Variants in SMC2 observed in about 807,000 individuals in gnomAD.
SMC2 encodes the protein structural maintenance of chromosomes protein 2.
A neutral mutation model predicts 142.6 loss-of-function variants in SMC2; 41 were observed. That is an observed-to-expected ratio of 0.29 (90% CI 0.22 to 0.37). SMC2 has a LOEUF of 0.37. SMC2 is among the 10% of genes least tolerant of loss of function. SMC2 has a pLI of 1.00. For missense variants in SMC2, 1,265 were observed against 1,373.7 expected (o/e 0.92, Z 1.25); for synonymous variants, 463 against 457.5 (o/e 1.01, Z -0.15).
rs1243588992 is a variant in SMC2, at chr9:104,138,303, CTT to C, written c.3417+139_3417+140del. The C allele has an allele frequency of 4.7e-5, 30 of 644,612 alleles. No individual in the cohort carries two copies. In the Middle Eastern group the frequency reaches 1.2e-3, roughly 26 times the overall value. The allele number at this position is 644,612 out of a possible 1,614,324, so 39.9% of individuals were successfully genotyped here. A position where few individuals can be genotyped will look rare whatever the true frequency, so the allele number is the denominator to read the frequency against. On this transcript the variant is annotated intron_variant, in intron 24 of 24. Transcript: ENST00000374793. ...AGCATTGTATATCTATTTAAATAGA[CTT>C]ATGTTTAAATAGGTATAGAAGGAAA...
rs1835890794 is a variant in SMC2, at chr9:104,139,537, T to C, written c.*222T>C. 1.9e-5 allele frequency: 7 copies of C among 377,986 alleles called. No homozygotes were observed. Among genetic ancestry groups the C allele is most frequent in the Non-Finnish European group, 2.3e-5 (5 of 213,578 alleles). 23.4% of individuals were successfully genotyped at this position (377,986 alleles called of 1,614,324 possible). On this transcript the variant is annotated 3_prime_UTR_variant, in exon 25 of 25. Coordinates refer to ENST00000374793, the MANE Select transcript of SMC2 (RefSeq NM_006444.3). Reference sequence around the variant, plus strand: ...TATTGTGGTTGTGATTTTATGCATATCATCAAATGTTTTTTTCTTATGCGG... The same window carrying C: ...TATTGTGGTTGTGATTTTATGCATACCATCAAATGTTTTTTTCTTATGCGG...
chr9:104,117,934 A>G (rs981393679), intron 14 of SMC2, among the ~76,000 whole-genome samples: 2 of 152,226 alleles, frequency 1.3e-5, no homozygotes, highest in East Asian at 1.9e-4. Context: ...ATAATGCTCC[A>G]TACTAGCTAT....
chr9:104,102,207 T>G lies in SMC2; in HGVS notation c.870+14T>G. ...AGAAAAGATAAGGTCTGAACATATG[T>G]ATAAGAATCGATAATATACTCTGTG... On this transcript the variant is annotated intron_variant, in intron 8 of 24. Transcript: ENST00000374793. 7.1e-7 allele frequency: 1 copy of G among 1,413,278 alleles called. No individual in the cohort carries two copies. Among genetic ancestry groups the G allele is most frequent in the Non-Finnish European group, 9.8e-7 (1 of 1,019,456 alleles). 87.5% of individuals were successfully genotyped at this position (1,413,278 alleles called of 1,614,324 possible). A position where few individuals can be genotyped will look rare whatever the true frequency, so the allele number is the denominator to read the frequency against.
At chr9:104,135,919 G>A in intron 23 of SMC2, 1 of 518,664 alleles carries the variant, frequency 1.9e-6, no homozygotes, top group Non-Finnish European at 3.9e-6. Context: ...CAGGCAAAAG[G>A]AAAATGATAC....
chr9:104,100,661 T>G (rs1417136439), intron 7 of SMC2, among the ~76,000 whole-genome samples: 2 of 152,184 alleles, frequency 1.3e-5, no homozygotes, highest in African/African-American at 4.8e-5. Flanking sequence ...CAGAAAATGG[T>G]ATGCCGAATT....
At chr9:104,108,226 C>T (rs1476095668) in intron 9 of SMC2, among the ~76,000 whole-genome samples, 1 of 152,136 alleles carries the variant, frequency 6.6e-6, no homozygotes, top group African/African-American at 2.4e-5. Context: ...GCTCCAGTAT[C>T]CAAGAACTCC....
In SMC2 at chr9:104,098,495, A is replaced by G. The variant is rs746903710; in HGVS notation, c.368A>G (p.Asn123Ser). 17 of 1,598,878 alleles carry G rather than the reference A, an allele frequency of 1.1e-5. No homozygotes were observed. The highest frequency in any genetic ancestry group is 7.0e-5 in the Admixed American group (4 of 56,942). Residue 123 changes from asparagine (N) to serine (S), a missense_variant, in exon 4 of 25, where the codon AAC (asparagine) becomes AGC (serine). Around this residue, in one of 4 missense-constraint regions of SMC2, gnomAD observed 168 missense variants for 184.8 expected, o/e 0.91. Coordinates refer to ENST00000374793, the MANE Select transcript of SMC2 (RefSeq NM_006444.3). ...TATTTAATCAATGGAGTCAATGCCA[A>G]CAACACCAGAGTACAGGATCTCTTC... ...NKYLINGVNA[N>S]NTRVQDLFCS...
chr9:104,120,202 T>C, intron 16 of SMC2, 40 bp downstream of exon 16: 1 of 1,496,222 alleles, frequency 6.7e-7, no homozygotes, highest in Non-Finnish European at 9.0e-7. Flanking sequence ...AAGATTTGCA[T>C]AGTAGAAAAT....
At chr9:104,117,814 A>C (rs1220351241) in intron 14 of SMC2, among the ~76,000 whole-genome samples, 3 of 152,190 alleles carry the variant, frequency 2.0e-5, no homozygotes, top group Admixed American at 6.5e-5. Context: ...TGTTCTAAGC[A>C]TTTAGGATAA....
intron 9 of SMC2, among the ~76,000 whole-genome samples, chr9:104,108,800 A>T (rs1832101819): frequency 6.6e-6 from 1 of 152,130 alleles, no homozygotes. Flanking sequence ...CCATTCCCAC[A>T]AGTGTTGGAT....
chr9:104,126,599 TTAA>T (rs1210346508), intron 18 of SMC2, 39 bp from the exon 19 acceptor site: 2 of 1,503,644 alleles, frequency 1.3e-6, no homozygotes, highest in South Asian at 2.4e-5. Context: ...TTTTCAGTAG[TTAA>T]TAACCTATAT....
intron 9 of SMC2, among the ~76,000 whole-genome samples, chr9:104,109,368 G>A (rs1832167838): frequency 6.6e-6 from 1 of 152,072 alleles, no homozygotes; most frequent in Admixed American, 6.5e-5. Flanking sequence ...AACAAATTCT[G>A]TTAACTTTAA....
chr9:104,113,078 G>A (rs545160077), intron 10 of SMC2, among the ~76,000 whole-genome samples: 2 of 151,998 alleles, frequency 1.3e-5, no homozygotes, highest in South Asian at 4.2e-4. Flanking sequence ...TAAAAATACG[G>A]ACTTAAATTT....
upstream of SMC2, chr9:104,092,831 T>A (rs958342281): frequency 1.3e-5 from 2 of 152,228 alleles, no homozygotes; most frequent in Non-Finnish European, 2.9e-5. Flanking sequence ...TTTAAAAACA[T>A]GACCTACGCT....
rs116748359 is a variant in SMC2, at chr9:104,097,878, A to G, written c.319-568A>G. 3.7e-3 allele frequency among the ~76,000 whole-genome samples: 570 copies of G among 152,338 alleles called. 4 individuals are homozygous for G. Among genetic ancestry groups the G allele is most frequent in the African/African-American group, 0.012 (511 of 41,572 alleles). On this transcript the variant is annotated intron_variant, in intron 3 of 24. Coordinates refer to ENST00000374793, the MANE Select transcript of SMC2 (RefSeq NM_006444.3). ...ACAGAGCTTGTCTTTAAGGACTTCA[A>G]TCTGGTAGATGAGACAATCATACCC...
chr9:104,123,509 A>C (rs188454311), intron 17 of SMC2, among the ~76,000 whole-genome samples: 1 of 152,160 alleles, frequency 6.6e-6, no homozygotes, highest in Non-Finnish European at 1.5e-5. Flanking sequence ...AAATTTTCCA[A>C]ATCTGTTGGT....
intron 22 of SMC2, 63 bp from the exon 23 acceptor site, chr9:104,134,352 T>TG: frequency 7.8e-7 from 1 of 1,279,258 alleles, no homozygotes; most frequent in Non-Finnish European, 1.1e-6. Flanking sequence ...TATACATATA[T>TG]CAACAATTGA....
At chr9:104,093,865 G>GA (rs11419913), upstream of SMC2, among the ~76,000 whole-genome samples, 6 of 71,080 alleles carry the variant, frequency 8.4e-5, no homozygotes, top group South Asian at 3.0e-3. Context: ...GCCAACCCGA[G>GA]AAGATTCTGA....
At chr9:104,093,386 G>A (rs1448881512), upstream of SMC2, among the ~76,000 whole-genome samples, 1 of 151,698 alleles carries the variant, frequency 6.6e-6, no homozygotes, top group Non-Finnish European at 1.5e-5. Flanking sequence ...ATGCAATCTG[G>A]AGCTAGACCG....
Sources: gnomAD v4.1 joint callset for allele counts (sites outside exome capture counted in the v4.1 genomes callset) on GRCh38, gnomAD v4.1.1 for gene constraint, gnomAD v4.1.1 regional missense constraint, MANE v1.5 for transcripts, NCBI Gene and HGNC (gene_info 2026-07-23, HGNC 2026-07-21) for gene names.